Variants in FAM120A observed in about 807,000 individuals in gnomAD.
FAM120A encodes the protein family with sequence similarity 120 member A.
In FAM120A, 15 loss-of-function variants were observed where a neutral mutation model predicts 109.7. That is an observed-to-expected ratio of 0.14 (90% CI 0.09 to 0.21). The LOEUF is 0.21. Ranked by LOEUF, FAM120A falls within the 10% of genes least tolerant of loss-of-function variation. FAM120A has a pLI of 1.00. For missense variants in FAM120A, 899 were observed against 1,439.3 expected (o/e 0.62, Z 6.07); for synonymous variants, 493 against 572.8 (o/e 0.86, Z 1.99).
At position 93,554,120 on chromosome 9, in the gene FAM120A, T is replaced by TACACACACACACACACACACAC. The variant is rs10672125; in HGVS notation, c.2275-2223_2275-2202dup. 6.3e-3 allele frequency among the ~76,000 whole-genome samples: 553 copies of TACACACACACACACACACACAC among 87,442 alleles called. 73 individuals are homozygous for TACACACACACACACACACACAC. The highest frequency in any genetic ancestry group is 0.013 in the East Asian group (29 of 2,248). 57.4% of individuals were successfully genotyped at this position (87,442 alleles called of 152,430 possible). ...ATCCTTTAATGTTAAGGCCATTTGATACACACACACACACACACACACACA... is the reference window on the plus strand; with the variant it reads ...ATCCTTTAATGTTAAGGCCATTTGATACACACACACACACACACACACACACACACACACACACACACACACA... On this transcript the variant is annotated intron_variant, in intron 12 of 17. Coordinates refer to ENST00000277165, the MANE Select transcript of FAM120A (RefSeq NM_014612.5).
At chr9:93,478,749 T>C (rs1166582810) in intron 3 of FAM120A, among the ~76,000 whole-genome samples, 1 of 152,118 alleles carries the variant, frequency 6.6e-6, no homozygotes, top group African/African-American at 2.4e-5. Flanking sequence ...GTGCTGGGAT[T>C]ATAGGTGTGA....
At position 93,478,052 on chromosome 9, in the gene FAM120A, A is replaced by G. The variant is rs145910291; in HGVS notation, c.804+1714A>G. Among the ~76,000 whole-genome samples the G allele has an allele frequency of 2.6e-3, 402 of 152,358 alleles. 1 individual carries two copies. Among genetic ancestry groups the G allele is most frequent in the African/African-American group, 9.1e-3 (380 of 41,586 alleles). On this transcript the variant is annotated intron_variant, in intron 3 of 17. Transcript: ENST00000277165. ...AAGTTGCAGATATGACACTTTACCC[A>G]TGAAAATGTCAGCTTGCTCCACCAC...
chr9:93,537,457 T>C (rs936034443), intron 10 of FAM120A, among the ~76,000 whole-genome samples: 3 of 152,222 alleles, frequency 2.0e-5, no homozygotes, highest in African/African-American at 7.2e-5. Context: ...CTTTTGTTTC[T>C]TGCCTCCCAT....
chr9:93,524,636 G>GCGTCGGCT (rs201209777), intron 7 of FAM120A, among the ~76,000 whole-genome samples: 5,525 of 152,324 alleles, frequency 0.036, 140 homozygotes, highest in Middle Eastern at 0.048. Flanking sequence ...ACTGTCTGTA[G>GCGTCGGCT]CGTCGGCTCG....
chr9:93,550,694 A>G lies in FAM120A; in HGVS notation c.2274+3A>G. ...CTGATCAGCTCCAGGAGCTCAAGGTAATTTATCAGCCTCATTGCATTGTCT... is the reference window on the plus strand; with the variant it reads ...CTGATCAGCTCCAGGAGCTCAAGGTGATTTATCAGCCTCATTGCATTGTCT... On this transcript the variant is annotated splice_donor_region_variant and intron_variant, in intron 12 of 17. Transcript: ENST00000277165. The G allele has an allele frequency of 6.2e-7, 1 of 1,610,762 alleles. No individual in the cohort carries two copies. Among genetic ancestry groups the G allele is most frequent in the Non-Finnish European group, 8.5e-7 (1 of 1,177,492 alleles).
At chr9:93,508,463 C>T (rs1588858352) in intron 5 of FAM120A, among the ~76,000 whole-genome samples, 1 of 152,184 alleles carries the variant, frequency 6.6e-6, no homozygotes, top group Non-Finnish European at 1.5e-5. Flanking sequence ...TGAGGGATCA[C>T]CTTCCTGCAA....
intron 7 of FAM120A, among the ~76,000 whole-genome samples, chr9:93,520,155 C>T (rs1454470108): frequency 6.6e-6 from 1 of 152,196 alleles, no homozygotes; most frequent in African/African-American, 2.4e-5. Context: ...AGGCATGAGC[C>T]ACTGTGTGCA....
intron 7 of FAM120A, among the ~76,000 whole-genome samples, chr9:93,525,008 A>G (rs1861012738): frequency 1.3e-5 from 2 of 151,936 alleles, no homozygotes; most frequent in Admixed American, 1.3e-4. Context: ...AATGTTATCC[A>G]TCTGTTCTTC....
At chr9:93,538,493 A>G (rs1460397252) in intron 10 of FAM120A, among the ~76,000 whole-genome samples, 1 of 152,224 alleles carries the variant, frequency 6.6e-6, no homozygotes, top group African/African-American at 2.4e-5. Context: ...AAGCTCGTCA[A>G]GTATAATAGT....
intron 5 of FAM120A, among the ~76,000 whole-genome samples, chr9:93,507,381 ATGGT>A (rs1370785798): frequency 1.3e-5 from 2 of 152,128 alleles, no homozygotes; most frequent in Non-Finnish European, 2.9e-5. Flanking sequence ...TGAGATAAAG[ATGGT>A]TGGAGGAAGA....
At chr9:93,525,491 C>T (rs913726491) in intron 7 of FAM120A, among the ~76,000 whole-genome samples, 2 of 152,176 alleles carry the variant, frequency 1.3e-5, no homozygotes, top group African/African-American at 4.8e-5. Flanking sequence ...AGCCTTTAAG[C>T]TTAACAACAG....
chr9:93,528,957 A>ACT (rs1491090536), intron 8 of FAM120A, among the ~76,000 whole-genome samples: 1 of 152,098 alleles, frequency 6.6e-6, no homozygotes, highest in Non-Finnish European at 1.5e-5. Context: ...GATCTTAGGC[A>ACT]AAGTCTCGAG....
Position 93,562,374 on chromosome 9 carries a change from T to A in FAM120A, c.3045+70T>A. 7 of 1,174,342 alleles carry A rather than the reference T, an allele frequency of 6.0e-6. No homozygotes were observed. In the Admixed American group the frequency reaches 1.1e-4, roughly 18 times the overall value. 72.7% of individuals were successfully genotyped at this position (1,174,342 alleles called of 1,614,324 possible). ...GATGTCTCCTGTCTGAGCTTGCACT[T>A]CTAGTACCTGCGCTCAGACAGAAGA... is the stretch of plus-strand genomic sequence containing the variant. On this transcript the variant is annotated intron_variant, in intron 17 of 17. Transcript: ENST00000277165.
At chr9:93,558,073 G>A in intron 14 of FAM120A, 63 bp downstream of exon 14, 1 of 1,441,524 alleles carries the variant, frequency 6.9e-7, no homozygotes, top group Admixed American at 2.4e-5. Flanking sequence ...AGAAAGTGCA[G>A]CCCTTATAGG....
At chr9:93,517,793 G>A (rs764943584) in intron 7 of FAM120A, among the ~76,000 whole-genome samples, 5 of 152,166 alleles carry the variant, frequency 3.3e-5, no homozygotes, top group African/African-American at 7.2e-5. Context: ...CTCCGGTGGG[G>A]AGGGATTGAG....
At chr9:93,545,845 G>T (rs1288517443) in intron 11 of FAM120A, among the ~76,000 whole-genome samples, 1 of 128,500 alleles carries the variant, frequency 7.8e-6, no homozygotes, top group African/African-American at 3.0e-5. Flanking sequence ...GAGTGCAATG[G>T]TGTGATCATG....
chr9:93,539,428 A>G (rs938835817), intron 10 of FAM120A, among the ~76,000 whole-genome samples: 7 of 152,216 alleles, frequency 4.6e-5, no homozygotes, highest in African/African-American at 1.7e-4. Flanking sequence ...AAAGAGATTA[A>G]TATTTGTTGG....
At chr9:93,466,114 A>T (rs1858006588) in intron 1 of FAM120A, among the ~76,000 whole-genome samples, 1 of 152,028 alleles carries the variant, frequency 6.6e-6, no homozygotes, top group South Asian at 2.1e-4. Flanking sequence ...TGCAGTGACC[A>T]GTTTTCCTTT....
At position 93,559,804 on chromosome 9, in the gene FAM120A, A is replaced by C. The variant is rs555416758; in HGVS notation, c.2806+1086A>C. Among the ~76,000 whole-genome samples the C allele has an allele frequency of 3.9e-5, 6 of 152,320 alleles. No homozygotes were observed. The South Asian group carries it at 6.2e-4, about 16-fold the overall frequency. On this transcript the variant is annotated intron_variant, in intron 15 of 17. Transcript: ENST00000277165. ...ATGGATAGTGTAGGGCAAGAAGTGA[A>C]TTCTTACACTGGAATGATAAAAGGA...
Sources: gnomAD v4.1 joint callset for allele counts (sites outside exome capture counted in the v4.1 genomes callset) on GRCh38, gnomAD v4.1.1 for gene constraint, MANE v1.5 for transcripts, NCBI Gene and HGNC (gene_info 2026-07-23, HGNC 2026-07-21) for gene names.